The following PGR variants were observed in gnomAD, a reference collection of about 807,000 sequenced individuals.
The protein encoded by PGR is progesterone receptor, also known as nuclear receptor subfamily 3 group C member 3.
PGR carries 25 observed loss-of-function variants against 76.1 expected under a neutral mutation model. That is an observed-to-expected ratio of 0.33 (90% confidence interval 0.24 to 0.46). The LOEUF is 0.46. Among genes scored for constraint, PGR ranks in the 20% least tolerant of loss-of-function variants. The pLI is 1.00. For missense variants in PGR, 1,172 were observed against 1,225.3 expected (o/e 0.96, Z 0.65); for synonymous variants, 579 against 535.0 (o/e 1.08, Z -1.14).
intron 2 of PGR, among the ~76,000 whole-genome samples, chr11:101,098,887 A>G (rs1042012692): frequency 3.9e-5 from 6 of 152,232 alleles, no homozygotes; most frequent in Non-Finnish European, 8.8e-5. Flanking sequence ...TCTGTCCAAA[A>G]TTCAGGGTGA....
chr11:101,118,150 T>C (rs934125442), intron 2 of PGR, among the ~76,000 whole-genome samples: 2 of 152,216 alleles, frequency 1.3e-5, no homozygotes, highest in Non-Finnish European at 2.9e-5. Flanking sequence ...CCAGTGGAAG[T>C]TAAGGGCATT....
At chr11:101,113,369 C>G (rs77031308) in intron 2 of PGR, among the ~76,000 whole-genome samples, 16,278 of 151,684 alleles carry the variant, frequency 0.11, 938 homozygotes, top group East Asian at 0.19. Flanking sequence ...TCATGCCATT[C>G]TCCTGCCTCA....
chr11:101,081,686 C>A (rs890232599), intron 3 of PGR, among the ~76,000 whole-genome samples: 3 of 152,120 alleles, frequency 2.0e-5, no homozygotes, highest in African/African-American at 7.2e-5. Flanking sequence ...CAAATAAAAT[C>A]TTTTCCAGGC....
intron 4 of PGR, among the ~76,000 whole-genome samples, chr11:101,056,349 A>T (rs545004): frequency 0.71 from 108,023 of 151,968 alleles, 39,271 homozygotes; most frequent in East Asian, 1. Flanking sequence ...TAGTGAAGAG[A>T]TGGCCTGGGG....
At chr11:101,058,087 A>G (rs765819247) in intron 4 of PGR, among the ~76,000 whole-genome samples, 2 of 152,184 alleles carry the variant, frequency 1.3e-5, no homozygotes, top group African/African-American at 2.4e-5. Flanking sequence ...GGAGAGAAAC[A>G]TATCTACCTG....
intron 3 of PGR, among the ~76,000 whole-genome samples, chr11:101,069,828 G>A (rs982256024): frequency 6.6e-6 from 1 of 152,088 alleles, no homozygotes; most frequent in South Asian, 2.1e-4. Flanking sequence ...CACAGGGAGA[G>A]GAACATCACA....
Position 101,128,215 on chromosome 11 carries a change from C to A in PGR, c.856G>T (p.Asp286Tyr). 1.3e-6 allele frequency: 2 copies of A among 1,598,192 alleles called. No homozygotes were observed. The highest frequency in any genetic ancestry group is 1.7e-6 in the Non-Finnish European group (2 of 1,179,370). ...SAPRVALVEQ[D>Y]APMAPGRSPL... ...GAGCGCCCGGGCGCCATCGGCGCGTCCTGCTCCACCAGGGCGACCCTGGGC... is the reference window on the plus strand; with the variant it reads ...GAGCGCCCGGGCGCCATCGGCGCGTACTGCTCCACCAGGGCGACCCTGGGC... Residue 286 changes from aspartate to tyrosine, a missense_variant, in exon 1 of 8, where the codon GAC becomes TAC. This residue lies in a region of PGR where 893 missense variants were observed against 785.9 expected (regional missense o/e 1.14). Coordinates refer to ENST00000325455, the MANE Select transcript of PGR (RefSeq NM_000926.4).
intron 6 of PGR, 108 bp downstream of exon 6, chr11:101,049,820 TA>T: frequency 1.2e-6 from 1 of 838,690 alleles, no homozygotes. Context: ...TTTATACTTA[TA>T]ATCCAAGACG....
At chr11:101,042,221 C>A in intron 6 of PGR, 119 bp from the exon 7 acceptor site, 1 of 918,234 alleles carries the variant, frequency 1.1e-6, no homozygotes, top group South Asian at 1.5e-5. Context: ...AGAAAAAAAA[C>A]ACCTTATATA....
intron 3 of PGR, among the ~76,000 whole-genome samples, chr11:101,087,730 G>T (rs779079519): frequency 7.5e-6 from 1 of 133,068 alleles, no homozygotes; most frequent in Non-Finnish European, 1.6e-5. Flanking sequence ...TTAAACAGTT[G>T]AACAAGCAAA....
At chr11:101,098,163 AC>A (rs942172403) in intron 2 of PGR, among the ~76,000 whole-genome samples, 1 of 152,222 alleles carries the variant, frequency 6.6e-6, no homozygotes, top group East Asian at 1.9e-4. Flanking sequence ...CTAGTGACTT[AC>A]AAAAATTTTA....
rs12286921 is a variant in PGR, at chr11:101,058,641, T to C, written c.2212+3806A>G. Among the ~76,000 whole-genome samples the C allele has an allele frequency of 3.9e-3, 588 of 152,324 alleles. 3 individuals carry two copies. The highest frequency in any genetic ancestry group is 0.013 in the African/African-American group (558 of 41,576). ...AACTGAAATATCAAGACAAAATTTA[T>C]GCAACGGAAGTGTTTCCCTCATACC... On this transcript the variant is annotated intron_variant, in intron 4 of 7. Coordinates refer to ENST00000325455, the MANE Select transcript of PGR (RefSeq NM_000926.4).
chr11:101,102,862 G>T (rs562903724), intron 2 of PGR, among the ~76,000 whole-genome samples: 38 of 146,534 alleles, frequency 2.6e-4, no homozygotes, highest in Admixed American at 1.4e-3. Flanking sequence ...GCAGTGAGGG[G>T]TGGGGGGGGT....
Position 101,048,941 on chromosome 11 carries a change from T to C in PGR, c.2488+988A>G, listed in dbSNP as rs548563615. Among the ~76,000 whole-genome samples, 9 of 152,158 alleles carry C rather than the reference T, an allele frequency of 5.9e-5. 1 individual carries two copies. In the South Asian group the frequency reaches 1.9e-3, roughly 32 times the overall value. On this transcript the variant is annotated intron_variant, in intron 6 of 7. Transcript: ENST00000325455. ...TCTTTCTTTTTTTAGAGACAAGTTC[T>C]CACATGTTGCTTAGGCTGGACTTAA...
intron 2 of PGR, among the ~76,000 whole-genome samples, chr11:101,093,950 C>T (rs1380598255): frequency 6.6e-6 from 1 of 152,184 alleles, no homozygotes; most frequent in African/African-American, 2.4e-5. Context: ...ATATCATCTC[C>T]TTATTCAGTG....
rs500760 is a variant in PGR, at chr11:101,039,260, T to C, written c.2658A>G (p.Gln886=). The C allele has an allele frequency of 0.24, 391,660 of 1,604,620 alleles. 49,998 individuals carry two copies. Among genetic ancestry groups the C allele is most frequent in the African/African-American group, 0.39 (29,179 of 74,596 alleles). ...LLDNLHDLVK[Q]LHLYCLNTFI... Reference sequence around the variant, plus strand: ...ATGTATTCAAGCAGTACAGATGAAGTTGTTTGACAAGCTGTTGGTTTAACA... The same window carrying C: ...ATGTATTCAAGCAGTACAGATGAAGCTGTTTGACAAGCTGTTGGTTTAACA... The change falls in exon 8 of 8, where the codon CAA becomes CAG. Residue 886 remains glutamine, a synonymous_variant. Transcript: ENST00000325455.
chr11:101,111,972 G>C (rs1478823431), intron 2 of PGR, among the ~76,000 whole-genome samples: 1 of 152,222 alleles, frequency 6.6e-6, no homozygotes, highest in Non-Finnish European at 1.5e-5. Context: ...AGGGGAGCTA[G>C]TGAGGAAAAT....
intron 2 of PGR, among the ~76,000 whole-genome samples, chr11:101,101,516 GA>G (rs1391691211): frequency 6.6e-6 from 1 of 152,142 alleles, no homozygotes; most frequent in African/African-American, 2.4e-5. Flanking sequence ...TAGAAATAGA[GA>G]ATCATCCTTT....
intron 2 of PGR, among the ~76,000 whole-genome samples, chr11:101,102,721 A>C (rs928173519): frequency 6.6e-5 from 10 of 152,132 alleles, no homozygotes; most frequent in Non-Finnish European, 1.2e-4. Context: ...CTAAGCATTT[A>C]ACTGGTTTAT....
Sources: allele counts gnomAD v4.1 joint callset (sites outside exome capture counted in the v4.1 genomes callset), GRCh38; gene constraint gnomAD v4.1.1; regional missense constraint gnomAD v4.1.1; transcripts MANE v1.5; gene names NCBI Gene and HGNC (gene_info 2026-07-23, HGNC 2026-07-21).